SOX6: variants seen among roughly 807,000 people sequenced by gnomAD.
SOX6 encodes transcription factor SOX-6.
SOX6 carries 11 observed loss-of-function variants against 97.8 expected under a neutral mutation model. That is an observed-to-expected ratio of 0.11 (90% CI 0.07 to 0.19). The LOEUF is 0.19. SOX6 is among the 10% of genes least tolerant of loss of function. SOX6 has a pLI of 1.00. For missense variants in SOX6, 810 were observed against 1,039.5 expected, an observed-to-expected ratio of 0.78 and a Z score of 3.04; for synonymous variants, 360 against 371.4, an observed-to-expected ratio of 0.97 and a Z score of 0.35.
chr11:16,289,159 C>T (rs1278616706), intron 3 of SOX6, among the ~76,000 whole-genome samples: 1 of 151,914 alleles, frequency 6.6e-6, no homozygotes. Context: ...TAGTTAAAAA[C>T]AATTATTACT....
At chr11:16,345,038 G>T (rs928619158) in intron 1 of SOX6, among the ~76,000 whole-genome samples, 6 of 151,836 alleles carry the variant, frequency 4.0e-5, no homozygotes, top group African/African-American at 1.5e-4. Context: ...AATCAAATGC[G>T]CCCAATTCTA....
intron 2 of SOX6, among the ~76,000 whole-genome samples, chr11:16,319,525 G>T (rs1420916982): frequency 7.8e-6 from 1 of 127,778 alleles, no homozygotes; most frequent in Non-Finnish European, 1.6e-5. Context: ...CCCCACAACA[G>T]GCCCTGGTGT....
chr11:16,332,832 G>GTAA (rs1258784581), intron 2 of SOX6, among the ~76,000 whole-genome samples: 14 of 152,140 alleles, frequency 9.2e-5, no homozygotes, highest in Non-Finnish European at 1.8e-4. Context: ...ATTAACAAAA[G>GTAA]TAATAATAGC....
At chr11:16,502,431 T>C (rs766251665) in intron 4 of SOX6, among the ~76,000 whole-genome samples, 56 of 149,998 alleles carry the variant, frequency 3.7e-4, no homozygotes, top group Non-Finnish European at 6.3e-4. Flanking sequence ...GTGCACGTTG[T>C]TAACATGTAC....
At chr11:16,159,297 T>C (rs1850680816) in intron 6 of SOX6, among the ~76,000 whole-genome samples, 1 of 152,070 alleles carries the variant, frequency 6.6e-6, no homozygotes, top group Non-Finnish European at 1.5e-5. Flanking sequence ...TAAAGATCAG[T>C]TCATTTGAGG....
chr11:16,696,016 C>A (rs1848051137), intron 3 of SOX6, among the ~76,000 whole-genome samples: 1 of 152,110 alleles, frequency 6.6e-6, no homozygotes, highest in South Asian at 2.1e-4. Flanking sequence ...TTCATCCCAA[C>A]AAATAAATGA....
At chr11:16,531,178 A>C (rs1170560845) in intron 4 of SOX6, among the ~76,000 whole-genome samples, 1 of 150,782 alleles carries the variant, frequency 6.6e-6, no homozygotes, top group Non-Finnish European at 1.5e-5. Context: ...AGAGAGAAAG[A>C]GAGAAAGGAA....
chr11:16,066,342 G>A (rs1848093491), intron 9 of SOX6, among the ~76,000 whole-genome samples: 1 of 152,120 alleles, frequency 6.6e-6, no homozygotes, highest in South Asian at 2.1e-4. Context: ...AGCACAATTT[G>A]GAGGTTCCTC....
At chr11:16,090,192 C>T (rs998286953) in intron 9 of SOX6, among the ~76,000 whole-genome samples, 3 of 152,018 alleles carry the variant, frequency 2.0e-5, no homozygotes, top group African/African-American at 7.2e-5. Context: ...GGGGCTAGAG[C>T]TAAATGACTG....
chr11:16,129,047 T>C (rs1329780696), intron 6 of SOX6, among the ~76,000 whole-genome samples: 1 of 143,710 alleles, frequency 7.0e-6, no homozygotes, highest in Non-Finnish European at 1.5e-5. Flanking sequence ...TTTTTTTTTT[T>C]AGTAGAGATG....
intron 6 of SOX6, among the ~76,000 whole-genome samples, chr11:16,152,765 T>C (rs991860836): frequency 4.9e-5 from 2 of 40,710 alleles, no homozygotes; most frequent in Admixed American, 1.8e-4. Context: ...TAGAATTACT[T>C]TTTTTTTTTT....
chr11:16,331,460 T>C (rs1041280037), intron 2 of SOX6, among the ~76,000 whole-genome samples: 2 of 152,136 alleles, frequency 1.3e-5, no homozygotes, highest in African/African-American at 4.8e-5. Context: ...AACAAACTCC[T>C]CTCTTCACTA....
chr11:16,000,249 T>C (rs1854363583), intron 13 of SOX6, among the ~76,000 whole-genome samples: 1 of 152,182 alleles, frequency 6.6e-6, no homozygotes, highest in South Asian at 2.1e-4. Context: ...GCAGGCAAAA[T>C]ACATTCCATG....
intron 6 of SOX6, among the ~76,000 whole-genome samples, chr11:16,123,451 T>C (rs1849540217): frequency 6.6e-6 from 1 of 151,978 alleles, no homozygotes; most frequent in Non-Finnish European, 1.5e-5. Flanking sequence ...AGACAGTACC[T>C]GTACATGTGA....
At chr11:16,628,918 A>C (rs1404615785) in intron 3 of SOX6, among the ~76,000 whole-genome samples, 1 of 152,172 alleles carries the variant, frequency 6.6e-6, no homozygotes, top group Non-Finnish European at 1.5e-5. Flanking sequence ...TGGTGTATAG[A>C]AATGATGCTG....
rs1419096036 is a variant in SOX6 at position 15,986,301 on chromosome 11, G to A, written c.2086C>T (p.Arg696Cys). ...PNYKYKPRPK[R>C]TCIVDGKKLR... ...TTTTTGCCATCAACAATGCAGGTGCGTTTCGGTCGGGGTTTGTATTTATAG... is the reference window on the plus strand; with the variant it reads ...TTTTTGCCATCAACAATGCAGGTGCATTTCGGTCGGGGTTTGTATTTATAG... Residue 696 changes from arginine (R) to cysteine (C), a missense_variant, in exon 15 of 16, where the codon CGC (arginine) becomes TGC (cysteine). Coordinates refer to ENST00000683767, the MANE Select transcript of SOX6 (RefSeq NM_001367873.1). The A allele has an allele frequency of 6.2e-7, 1 of 1,614,064 alleles. No homozygotes were observed. Among genetic ancestry groups the A allele is most frequent in the Non-Finnish European group, 8.5e-7 (1 of 1,179,990 alleles).
chr11:16,699,806 T>C (rs1848079903), intron 3 of SOX6, among the ~76,000 whole-genome samples: 3 of 152,208 alleles, frequency 2.0e-5, no homozygotes. Context: ...ATAATTGCTC[T>C]TGTATTACTT....
chr11:16,485,526 T>C (rs1860413862), intron 4 of SOX6, among the ~76,000 whole-genome samples: 1 of 151,916 alleles, frequency 6.6e-6, no homozygotes, highest in Admixed American at 6.5e-5. Flanking sequence ...GGTCAGGAGT[T>C]TGAGACCAGC....
intron 1 of SOX6, among the ~76,000 whole-genome samples, chr11:16,377,662 G>A (rs970531099): frequency 6.6e-6 from 1 of 152,084 alleles, no homozygotes; most frequent in African/African-American, 2.4e-5. Context: ...TCCTGCACAT[G>A]TGACTCTGCC....
Sources: allele counts gnomAD v4.1 joint callset (sites outside exome capture counted in the v4.1 genomes callset), GRCh38; gene constraint gnomAD v4.1.1; transcripts MANE v1.5; gene names NCBI Gene and HGNC (gene_info 2026-07-23, HGNC 2026-07-21).